TRIP13: variants seen among roughly 807,000 people sequenced by gnomAD.
TRIP13 encodes thyroid hormone receptor interactor 13, also known as pachytene checkpoint protein 2 homolog.
Under a neutral mutation model 54.4 loss-of-function variants are expected in TRIP13, and 25 were observed. That is an observed-to-expected ratio of 0.46 (90% CI 0.33 to 0.64). TRIP13 has a LOEUF of 0.64. TRIP13 is among the 30% of genes least tolerant of loss of function. The pLI is 0.02. For synonymous variants in TRIP13, 207 were observed against 207.8 expected (o/e 1.00, Z 0.03); for missense variants, 373 against 534.2 (o/e 0.70, Z 2.97).
chr5:905,167 G>T (rs1754087061), intron 6 of TRIP13, among the ~76,000 whole-genome samples: 1 of 152,018 alleles, frequency 6.6e-6, no homozygotes, highest in Admixed American at 6.6e-5. Flanking sequence ...GACTGGGAGG[G>T]GTTTAGGTTT....
In TRIP13 at chr5:893,084, G is replaced by T; in HGVS notation, c.86G>T (p.Gly29Val). Residue 29 changes from glycine to valine, a missense_variant, in exon 1 of 13, where the codon GGC (glycine) becomes GTC (valine). By Grantham distance (109) the Gly-to-Val change is moderately radical. Around this residue, in one of 4 missense-constraint regions of TRIP13, gnomAD observed 151 missense variants for 151.9 expected, o/e 0.99. Transcript: ENST00000166345. ...GTCCACGTGGAGGTGCATCAGCGCG[G>T]CAGCAGGTGAGCCGGACCTGTCCGA... Reference protein sequence around the residue: ...PTVHVEVHQRGSSTAKKEDIN... With the variant: ...PTVHVEVHQRVSSTAKKEDIN... 2 of 1,593,526 alleles carry T rather than the reference G, an allele frequency of 1.3e-6. No individual in the cohort carries two copies. The highest frequency in any genetic ancestry group is 1.1e-5 in the South Asian group (1 of 88,360).
Position 915,534 on chromosome 5 carries a change from C to A in TRIP13, c.1134-370C>A, listed in dbSNP as rs184393709. Among the ~76,000 whole-genome samples the A allele has an allele frequency of 4.6e-5, 7 of 151,172 alleles. No individual in the cohort carries two copies. In the East Asian group the frequency reaches 1.4e-3, roughly 29 times the overall value. On this transcript the variant is annotated intron_variant, in intron 11 of 12. Coordinates refer to ENST00000166345, the MANE Select transcript of TRIP13 (RefSeq NM_004237.4). The surrounding 1 kb of genome is among the most constrained non-coding windows in gnomAD (Gnocchi z 4.2). ...GGGCAGGTGATGCATTCCCTGAGCG[C>A]AAGGATGCTGGCCCTGGGGCAGAGG...
At chr5:918,293 A>ACCCGGAGC (rs920522052), downstream of TRIP13, among the ~76,000 whole-genome samples, 7 of 152,066 alleles carry the variant, frequency 4.6e-5, no homozygotes, top group African/African-American at 1.7e-4. The surrounding 1 kb of genome is among the most constrained non-coding windows in gnomAD (Gnocchi z 4.3). Context: ...TAGATTCAGA[A>ACCCGGAGC]CCCGGAGCCA....
rs1291084430 is a variant in TRIP13 at position 908,281 on chromosome 5, C to T, written c.760-74C>T. The stretch of plus-strand genomic sequence containing the variant: ...TCATTCATCTTTTTCACGTGCTCAG[C>T]GGGACGTATCCCCATAGCTGCCTGT... On this transcript the variant is annotated intron_variant, in intron 8 of 12. Transcript: ENST00000166345. This position sits in a 1 kb window ranked among gnomAD's most constrained non-coding sequence, Gnocchi z 5.2. 5.7e-5 allele frequency: 87 copies of T among 1,529,016 alleles called. No individual in the cohort carries two copies. Among genetic ancestry groups the T allele is most frequent in the Non-Finnish European group, 7.5e-5 (84 of 1,113,408 alleles). The allele number at this position is 1,529,016 out of a possible 1,614,324, so 94.7% of individuals were successfully genotyped here.
chr5:911,023 T>G lies in TRIP13; in HGVS notation c.867-820T>G, dbSNP rs1420261401. 1.3e-5 allele frequency among the ~76,000 whole-genome samples: 2 copies of G among 152,230 alleles called. No individual in the cohort carries two copies. The highest frequency in any genetic ancestry group is 4.8e-5 in the African/African-American group (2 of 41,468). The stretch of plus-strand genomic sequence containing the variant: ...TGTGCAGCCACGCCCCCCAGGCCTG[T>G]GCAGCATGCTCCCTGGGGGCACCTT... On this transcript the variant is annotated intron_variant, in intron 9 of 12. Coordinates refer to ENST00000166345, the MANE Select transcript of TRIP13 (RefSeq NM_004237.4). This position sits in a 1 kb window ranked among gnomAD's most constrained non-coding sequence, Gnocchi z 4.7.
Position 914,588 on chromosome 5 carries a change from A to G in TRIP13, c.1133+11A>G, listed in dbSNP as rs374157613. 2.5e-6 allele frequency: 4 copies of G among 1,599,152 alleles called. No homozygotes were observed. The African/African-American group carries it at 5.4e-5, about 21-fold the overall frequency. ...GAATGACATTTCAAGGTGCAAATTGACCTCATTTTTGTAATCAAGAAGAAT... is the reference window on the plus strand; with the variant it reads ...GAATGACATTTCAAGGTGCAAATTGGCCTCATTTTTGTAATCAAGAAGAAT... On this transcript the variant is annotated intron_variant, in intron 11 of 12. Transcript: ENST00000166345.
intron 12 of TRIP13, 149 bp from the exon 13 acceptor site, chr5:916,859 C>T (rs973585275): frequency 7.4e-6 from 4 of 540,770 alleles, no homozygotes; most frequent in Non-Finnish European, 9.4e-6. Context: ...GCGTCCTGGA[C>T]GTGTGTGGTG....
At chr5:916,939 G>T in intron 12 of TRIP13, 69 bp from the exon 13 acceptor site, 1 of 1,450,820 alleles carries the variant, frequency 6.9e-7, no homozygotes, top group South Asian at 1.2e-5. Context: ...GGCGGCAGGG[G>T]CTGTGGATGC....
At chr5:893,122 G>GCTGC in intron 1 of TRIP13, 32 bp downstream of exon 1, 1 of 1,542,836 alleles carries the variant, frequency 6.5e-7, no homozygotes, top group Non-Finnish European at 8.7e-7. Context: ...CATCCTCTGG[G>GCTGC]CACCCACCCG....
chr5:908,783 C>T lies in TRIP13; in HGVS notation c.866+322C>T, dbSNP rs796435411. The T allele has an allele frequency of 1.7e-6, 1 of 593,384 alleles. No individual in the cohort carries two copies. Among genetic ancestry groups the T allele is most frequent in the African/African-American group, 1.9e-5 (1 of 51,610 alleles). 36.8% of individuals were successfully genotyped at this position (593,384 alleles called of 1,614,324 possible). A position where few individuals can be genotyped will look rare whatever the true frequency, so the allele number is the denominator to read the frequency against. On this transcript the variant is annotated intron_variant, in intron 9 of 12. Transcript: ENST00000166345. The surrounding 1 kb of genome is among the most constrained non-coding windows in gnomAD (Gnocchi z 5.2). ...ACCATCCTGGCTGACACGGTGAAAC[C>T]CTGTCTCTACTAAAAATACAAAAAA...
chr5:907,293 G>A lies in TRIP13; in HGVS notation c.672+100G>A. 1 of 1,043,262 alleles carries A rather than the reference G, an allele frequency of 9.6e-7. No homozygotes were observed. Among genetic ancestry groups the A allele is most frequent in the Non-Finnish European group, 1.4e-6 (1 of 691,606 alleles). 64.6% of individuals were successfully genotyped at this position (1,043,262 alleles called of 1,614,324 possible). A position where few individuals can be genotyped will look rare whatever the true frequency, so the allele number is the denominator to read the frequency against. ...CCTCCAGAAGCTTCAGGAGAGAACT[G>A]GGTGGGAAGGGTGTGTGAGGATTGG... On this transcript the variant is annotated intron_variant, in intron 7 of 12. Transcript: ENST00000166345. This position sits in a 1 kb window ranked among gnomAD's most constrained non-coding sequence, Gnocchi z 4.1.
chr5:903,898 G>C (rs949622765), intron 5 of TRIP13, among the ~76,000 whole-genome samples: 4 of 152,174 alleles, frequency 2.6e-5, no homozygotes, highest in African/African-American at 9.7e-5. Flanking sequence ...AGCAGTGCTG[G>C]GGGTGGGGAG....
chr5:900,111 T>C (rs1297454500), intron 3 of TRIP13, among the ~76,000 whole-genome samples: 1 of 152,244 alleles, frequency 6.6e-6, no homozygotes, highest in Non-Finnish European at 1.5e-5. Context: ...AAAATGATAG[T>C]TTAATGAAAA....
In TRIP13 at chr5:907,089, G is replaced by A; in HGVS notation, c.609-41G>A. On this transcript the variant is annotated intron_variant, in intron 6 of 12. Transcript: ENST00000166345. The surrounding 1 kb of genome is among the most constrained non-coding windows in gnomAD (Gnocchi z 4.1). ...AATGGCTGCCGCTGAGGATCCACAG[G>A]ACCAGTTAGTAATTCTCTCAACTCC... The A allele has an allele frequency of 6.3e-7, 1 of 1,576,558 alleles. No homozygotes were observed. The highest frequency in any genetic ancestry group is 2.2e-5 in the East Asian group (1 of 44,680).
At position 892,885 on chromosome 5, in the gene TRIP13, G is replaced by A. The variant is rs945810604; in HGVS notation, c.-114G>A. 1.7e-6 allele frequency: 2 copies of A among 1,148,474 alleles called. No homozygotes were observed. The highest frequency in any genetic ancestry group is 3.8e-5 in the Admixed American group (1 of 26,232). 71.1% of individuals were successfully genotyped at this position (1,148,474 alleles called of 1,614,324 possible). ...AGGAGGTGGTGCGCCTCGCGCGGCA[G>A]ATTCGAAGCTAGGGCGGGGCCCGCG... On this transcript the variant is annotated 5_prime_UTR_variant, in exon 1 of 13. Coordinates refer to ENST00000166345, the MANE Select transcript of TRIP13 (RefSeq NM_004237.4).
rs993695082 is a variant in TRIP13, at chr5:911,271, G to A, written c.867-572G>A. 7.2e-5 allele frequency among the ~76,000 whole-genome samples: 11 copies of A among 152,210 alleles called. No homozygotes were observed. The East Asian group carries it at 1.2e-3, about 16-fold the overall frequency. On this transcript the variant is annotated intron_variant, in intron 9 of 12. Transcript: ENST00000166345. This position sits in a 1 kb window ranked among gnomAD's most constrained non-coding sequence, Gnocchi z 4.7. The stretch of plus-strand genomic sequence containing the variant: ...GGTGGCACAATCAGGAACGCCATGC[G>A]AAAGTGAGATCCTTGCTAGGCCGGG...
In TRIP13 at chr5:908,372, C is replaced by T. The variant is rs140220222; in HGVS notation, c.777C>T (p.Ala259=). ...CCCAACAGGTGGAGAGTCTCACAGCCGCCCGAAATGCCTGCAGGGCGGGCA... is the reference window on the plus strand; with the variant it reads ...CCCAACAGGTGGAGAGTCTCACAGCTGCCCGAAATGCCTGCAGGGCGGGCA... The part of the protein sequence containing the change: ...VLIDEVESLT[A]ARNACRAGTE... The change falls in exon 9 of 13, where the codon GCC becomes GCT. Residue 259 remains alanine (A), a synonymous_variant. Coordinates refer to ENST00000166345, the MANE Select transcript of TRIP13 (RefSeq NM_004237.4). This position sits in a 1 kb window ranked among gnomAD's most constrained non-coding sequence, Gnocchi z 5.2. The T allele has an allele frequency of 1.1e-4, 181 of 1,612,194 alleles. 1 individual carries two copies. The highest frequency in any genetic ancestry group is 8.2e-4 in the Middle Eastern group (5 of 6,062).
intron 3 of TRIP13, 109 bp from the exon 4 acceptor site, chr5:900,385 C>G (rs1753957506): frequency 9.4e-7 from 1 of 1,059,792 alleles, no homozygotes; most frequent in Non-Finnish European, 1.4e-6. Flanking sequence ...ATAGTCTTGC[C>G]TGGAGCAGCA....
In TRIP13 at chr5:911,715, G is replaced by A; in HGVS notation, c.867-128G>A. On this transcript the variant is annotated intron_variant, in intron 9 of 12. Coordinates refer to ENST00000166345, the MANE Select transcript of TRIP13 (RefSeq NM_004237.4). This position sits in a 1 kb window ranked among gnomAD's most constrained non-coding sequence, Gnocchi z 4.7. ...GTCTGCGTGGCCTGTGTTGGCACAA[G>A]GCCACTTTCCTTCCTGTTGGCAGCC... is the stretch of plus-strand genomic sequence containing the variant. The A allele has an allele frequency of 7.2e-6, 9 of 1,246,422 alleles. No individual in the cohort carries two copies. The highest frequency in any genetic ancestry group is 9.8e-6 in the Non-Finnish European group (9 of 922,302). 77.2% of individuals were successfully genotyped at this position (1,246,422 alleles called of 1,614,324 possible).
Sources: gnomAD v4.1 joint callset for allele counts (sites outside exome capture counted in the v4.1 genomes callset) on GRCh38, gnomAD v4.1.1 for gene constraint, gnomAD v4.1.1 regional missense constraint, Gnocchi (gnomAD v3.1) non-coding constraint, MANE v1.5 for transcripts, NCBI Gene and HGNC (gene_info 2026-07-23, HGNC 2026-07-21) for gene names.